The following SLC24A2 variants were observed in gnomAD, a reference collection of about 807,000 sequenced individuals.
The protein encoded by SLC24A2 is sodium/potassium/calcium exchanger 2.
In SLC24A2, 36 loss-of-function variants were observed where a neutral mutation model predicts 62.0. That is an observed-to-expected ratio of 0.58 (90% confidence interval 0.44 to 0.77). The LOEUF (loss-of-function observed/expected upper bound fraction) is 0.77, where lower values mean the gene tolerates loss of function less well. Among genes scored for constraint, SLC24A2 ranks in the 30% least tolerant of loss-of-function variants. The probability of loss-of-function intolerance (pLI) is 0.00; values close to 1 mark genes in which losing one functional copy is unlikely to be tolerated. For missense variants in SLC24A2, 846 were observed against 817.9 expected, an observed-to-expected ratio of 1.03 and a Z score of -0.42; for synonymous variants, 358 against 294.0, an observed-to-expected ratio of 1.22 and a Z score of -2.23.
At chr9:20,056,847 C>A in the SLC24A2 span, among the ~76,000 whole-genome samples, 1 of 152,194 alleles carries the variant, frequency 6.6e-6, no homozygotes, top group Non-Finnish European at 1.5e-5. Context: ...TCTTGAATGA[C>A]ACTAATGAAC....
At chr9:20,072,949 T>A in the SLC24A2 span, among the ~76,000 whole-genome samples, 5 of 152,166 alleles carry the variant, frequency 3.3e-5, no homozygotes, top group African/African-American at 1.2e-4. Flanking sequence ...AAGTTTGTGC[T>A]GATTTGTTAT....
the SLC24A2 span, chr9:19,928,977 C>T: frequency 6.6e-6 from 1 of 152,226 alleles, no homozygotes; most frequent in African/African-American, 2.4e-5. Flanking sequence ...TTTCACCCTT[C>T]CCTAGCTGAC....
intron 7 of SLC24A2, among the ~76,000 whole-genome samples, chr9:19,560,252 T>G (rs1196806171): frequency 6.6e-6 from 1 of 152,036 alleles, no homozygotes; most frequent in Non-Finnish European, 1.5e-5. Context: ...GTTACTCAAC[T>G]CTGATGTCAG....
At chr9:19,578,215 T>C (rs962943749) in intron 5 of SLC24A2, among the ~76,000 whole-genome samples, 1 of 152,066 alleles carries the variant, frequency 6.6e-6, no homozygotes, top group Admixed American at 6.5e-5. Flanking sequence ...ATACCACCTG[T>C]ACCCCAATAA....
At chr9:19,824,831 T>C in the SLC24A2 span, among the ~76,000 whole-genome samples, 17 of 152,248 alleles carry the variant, frequency 1.1e-4, no homozygotes, top group East Asian at 2.3e-3. Flanking sequence ...CATAGAACAC[T>C]ATGCAGCCAT....
chr9:20,284,085 A>T, the SLC24A2 span, among the ~76,000 whole-genome samples: 4 of 152,254 alleles, frequency 2.6e-5, no homozygotes, highest in African/African-American at 9.6e-5. Context: ...TATCATTTCT[A>T]TAGAGGCAAT....
chr9:19,895,547 T>TTTCTA, the SLC24A2 span, among the ~76,000 whole-genome samples: 2 of 39,246 alleles, frequency 5.1e-5, no homozygotes, highest in Admixed American at 3.9e-4. Flanking sequence ...TCTTTCTTTC[T>TTTCTA]TTTTTTTTTT....
At chr9:20,211,945 AG>A in the SLC24A2 span, among the ~76,000 whole-genome samples, 1 of 152,192 alleles carries the variant, frequency 6.6e-6, no homozygotes, top group African/African-American at 2.4e-5. Flanking sequence ...AGAAGATAAA[AG>A]CCAATAAATT....
chr9:19,690,965 AT>A (rs1318754498), intron 2 of SLC24A2, among the ~76,000 whole-genome samples: 1 of 152,078 alleles, frequency 6.6e-6, no homozygotes, highest in African/African-American at 2.4e-5. Flanking sequence ...GAGAATGTGT[AT>A]TGGCAAAAGA....
the SLC24A2 span, among the ~76,000 whole-genome samples, chr9:20,152,144 C>T: frequency 6.6e-6 from 1 of 151,870 alleles, no homozygotes; most frequent in Admixed American, 6.6e-5. Context: ...CAAAAATACA[C>T]CAGCCTAGTG....
chr9:20,063,085 G>A, the SLC24A2 span, among the ~76,000 whole-genome samples: 1 of 114,846 alleles, frequency 8.7e-6, no homozygotes, highest in African/African-American at 3.7e-5. Context: ...TCAGTGTGGC[G>A]ATTCCTCAGG....
At chr9:19,950,314 C>CA in the SLC24A2 span, among the ~76,000 whole-genome samples, 1 of 152,040 alleles carries the variant, frequency 6.6e-6, no homozygotes, top group Non-Finnish European at 1.5e-5. Context: ...ATTTTTATTA[C>CA]AAAAAAACTT....
At chr9:19,845,903 G>C in the SLC24A2 span, among the ~76,000 whole-genome samples, 1 of 152,046 alleles carries the variant, frequency 6.6e-6, no homozygotes, top group Non-Finnish European at 1.5e-5. Flanking sequence ...GTTTTTAAGA[G>C]ATCTTCTTGG....
the SLC24A2 span, among the ~76,000 whole-genome samples, chr9:19,972,438 A>G: frequency 6.6e-6 from 1 of 152,122 alleles, no homozygotes; most frequent in South Asian, 2.1e-4. Flanking sequence ...CAGTTTTGTA[A>G]GCTTTTCACA....
chr9:20,219,639 A>G, the SLC24A2 span, among the ~76,000 whole-genome samples: 28 of 152,302 alleles, frequency 1.8e-4, no homozygotes, highest in Non-Finnish European at 2.5e-4. Flanking sequence ...AGGAAGATCA[A>G]TGACCGTTGG....
At chr9:19,649,901 T>A (rs1587095787) in intron 2 of SLC24A2, among the ~76,000 whole-genome samples, 1 of 152,194 alleles carries the variant, frequency 6.6e-6, no homozygotes, top group African/African-American at 2.4e-5. Flanking sequence ...GTAGTAATCA[T>A]CCAGTTGCTA....
intron 8 of SLC24A2, among the ~76,000 whole-genome samples, chr9:19,549,838 T>C (rs1563955547): frequency 6.6e-6 from 1 of 152,230 alleles, no homozygotes; most frequent in Non-Finnish European, 1.5e-5. Flanking sequence ...AAAAGGATGG[T>C]TGTTTCACAC....
At chr9:20,041,936 T>C in the SLC24A2 span, among the ~76,000 whole-genome samples, 1 of 152,220 alleles carries the variant, frequency 6.6e-6, no homozygotes, top group Non-Finnish European at 1.5e-5. Flanking sequence ...CCCCCCTTTC[T>C]GTCCCCTCAG....
the SLC24A2 span, among the ~76,000 whole-genome samples, chr9:20,103,020 A>C: frequency 6.6e-6 from 1 of 152,344 alleles, no homozygotes; most frequent in African/African-American, 2.4e-5. Flanking sequence ...CGATGGGCTT[A>C]AAAAACGGTG....
Sources: gnomAD v4.1 joint callset for allele counts (sites outside exome capture counted in the v4.1 genomes callset) on GRCh38, gnomAD v4.1.1 for gene constraint, MANE v1.5 for transcripts, NCBI Gene and HGNC (gene_info 2026-07-23, HGNC 2026-07-21) for gene names.